The following VAPA variants were observed in gnomAD, a reference collection of about 807,000 sequenced individuals.
VAPA encodes vesicle-associated membrane protein-associated protein A.
VAPA carries 6 observed loss-of-function variants against 25.6 expected under a neutral mutation model. The observed-to-expected ratio is 0.23, with a 90% CI of 0.13 to 0.46. The LOEUF is 0.46. Ranked by LOEUF, VAPA falls within the 20% of genes least tolerant of loss-of-function variation. The pLI is 0.99. For synonymous variants in VAPA, 112 were observed against 106.2 expected, an observed-to-expected ratio of 1.05 and a Z score of -0.34; for missense variants, 244 against 302.1, an observed-to-expected ratio of 0.81 and a Z score of 1.43.
chr18:9,917,090 C>CT (rs1458867931), intron 1 of VAPA, among the ~76,000 whole-genome samples: 1 of 152,112 alleles, frequency 6.6e-6, no homozygotes, highest in Non-Finnish European at 1.5e-5. Flanking sequence ...GTAATGAATT[C>CT]TGAAGTAGAT....
intron 4 of VAPA, among the ~76,000 whole-genome samples, chr18:9,943,738 C>T (rs2069388961): frequency 6.8e-6 from 1 of 146,446 alleles, no homozygotes; most frequent in African/African-American, 2.5e-5. Context: ...GTGTTCACTT[C>T]TAAAAAATTT....
At chr18:9,941,393 C>A (rs866649076) in intron 4 of VAPA, among the ~76,000 whole-genome samples, 17 of 152,084 alleles carry the variant, frequency 1.1e-4, no homozygotes, top group Admixed American at 9.2e-4. Context: ...AATATGAAAT[C>A]TTAAGGTACC....
intron 1 of VAPA, 43 bp downstream of exon 1, chr18:9,914,378 G>T (rs754223983): frequency 1.3e-6 from 2 of 1,525,552 alleles, no homozygotes; most frequent in Non-Finnish European, 1.8e-6. Context: ...GGGGCGCGCG[G>T]ACCGCTGGCT....
intron 4 of VAPA, among the ~76,000 whole-genome samples, chr18:9,939,870 A>G (rs1397737880): frequency 6.6e-6 from 1 of 152,212 alleles, no homozygotes; most frequent in Non-Finnish European, 1.5e-5. Context: ...CTGGCTTAAA[A>G]TGTCAGTAAA....
At chr18:9,919,944 T>C (rs1027102645) in intron 1 of VAPA, among the ~76,000 whole-genome samples, 1 of 152,158 alleles carries the variant, frequency 6.6e-6, no homozygotes, top group Non-Finnish European at 1.5e-5. Context: ...GGTCATGGTA[T>C]TGGAGGTGAT....
In VAPA at chr18:9,917,306, A is replaced by T. The variant is rs924387076; in HGVS notation, c.79+2971A>T. On this transcript the variant is annotated intron_variant, in intron 1 of 5. Transcript: ENST00000400000. ...TTTTCTACCTATTAGCAGTTTTTTTAAATTTTTTTATTTTTTGAGACGGAG... is the reference window on the plus strand; with the variant it reads ...TTTTCTACCTATTAGCAGTTTTTTTTAATTTTTTTATTTTTTGAGACGGAG... Among the ~76,000 whole-genome samples, 55 of 152,066 alleles carry T rather than the reference A, an allele frequency of 3.6e-4. 1 individual carries two copies. The highest frequency in any genetic ancestry group is 1.0e-4 in the Non-Finnish European group (7 of 68,020).
In VAPA at chr18:9,958,399, G is replaced by A. The variant is rs1567906588; in HGVS notation, c.*4188G>A. 2 of 152,272 alleles carry A rather than the reference G, an allele frequency of 1.3e-5. No homozygotes were observed. The highest frequency in any genetic ancestry group is 3.9e-4 in the East Asian group (2 of 5,184). 9.4% of individuals were successfully genotyped at this position (152,272 alleles called of 1,614,324 possible). ...TTAAAACTCAGTTTCTTGTTTTCCA[G>A]TTGTTGCTATGTATAACACCCATCT... On this transcript the variant is annotated 3_prime_UTR_variant, in exon 6 of 6. Transcript: ENST00000400000.
chr18:9,954,449 C>T lies in VAPA; in HGVS notation c.*238C>T. The T allele has an allele frequency of 2.5e-6, 1 of 402,994 alleles. No homozygotes were observed. Among genetic ancestry groups the T allele is most frequent in the Non-Finnish European group, 4.4e-6 (1 of 229,712 alleles). The allele number at this position is 402,994 out of a possible 1,614,324, so 25.0% of individuals were successfully genotyped here. On this transcript the variant is annotated 3_prime_UTR_variant, in exon 6 of 6. Transcript: ENST00000400000. ...TCATCACTAGCAGATGTCAGTTGCA[C>T]ATTGAGTCCTTTATGAAATTCATAA... is the stretch of plus-strand genomic sequence containing the variant.
chr18:9,940,801 A>G (rs182815048), intron 4 of VAPA, among the ~76,000 whole-genome samples: 28 of 152,184 alleles, frequency 1.8e-4, no homozygotes, highest in Non-Finnish European at 3.5e-4. Flanking sequence ...TTTACATTTC[A>G]AGTTTTACAC....
At chr18:9,937,105 G>C (rs1457448788) in intron 4 of VAPA, 39 bp downstream of exon 4, 2 of 1,545,082 alleles carry the variant, frequency 1.3e-6, no homozygotes, top group Non-Finnish European at 1.8e-6. Flanking sequence ...GAGCTGTTGA[G>C]CTCTCAGTTC....
intron 1 of VAPA, among the ~76,000 whole-genome samples, chr18:9,920,297 CT>C (rs2069145594): frequency 6.6e-6 from 1 of 151,870 alleles, no homozygotes; most frequent in Non-Finnish European, 1.5e-5. Flanking sequence ...CTTTTCTTTT[CT>C]TTCTTTCTTT....
intron 4 of VAPA, among the ~76,000 whole-genome samples, chr18:9,944,361 A>G (rs986745071): frequency 6.6e-6 from 1 of 152,152 alleles, no homozygotes; most frequent in African/African-American, 2.4e-5. Context: ...TTTGTATAAT[A>G]CAGTATTTTA....
At chr18:9,953,800 AT>A (rs2069514158) in intron 5 of VAPA, among the ~76,000 whole-genome samples, 1 of 152,224 alleles carries the variant, frequency 6.6e-6, no homozygotes, top group South Asian at 2.1e-4. Flanking sequence ...TATAATTTAT[AT>A]CCCATGGAGA....
rs1041483971 is a variant in VAPA at position 9,954,795 on chromosome 18, A to C, written c.*584A>C. 3.9e-5 allele frequency: 6 copies of C among 152,646 alleles called. No individual in the cohort carries two copies. Among genetic ancestry groups the C allele is most frequent in the African/African-American group, 1.4e-4 (6 of 41,458 alleles). The allele number at this position is 152,646 out of a possible 1,614,324, so 9.5% of individuals were successfully genotyped here. A position where few individuals can be genotyped will look rare whatever the true frequency, so the allele number is the denominator to read the frequency against. ...GTCCCATGGTATTTAACATAAAAAA[A>C]AATAAAACTGTTAACAGATTCTTGC... On this transcript the variant is annotated 3_prime_UTR_variant, in exon 6 of 6. Transcript: ENST00000400000.
intron 4 of VAPA, among the ~76,000 whole-genome samples, chr18:9,938,221 TGA>T (rs2069330794): frequency 6.6e-6 from 1 of 152,242 alleles, no homozygotes; most frequent in Non-Finnish European, 1.5e-5. Flanking sequence ...ATTTTCTCAC[TGA>T]GAGTTTTATG....
chr18:9,939,440 C>T (rs1171143702), intron 4 of VAPA, among the ~76,000 whole-genome samples: 4 of 151,980 alleles, frequency 2.6e-5, no homozygotes, highest in Non-Finnish European at 5.9e-5. Context: ...CAGGTGTGAG[C>T]CACCCTGCCT....
intron 3 of VAPA, chr18:9,936,730 A>AAAAAAGAG: frequency 2.5e-6 from 1 of 406,358 alleles, no homozygotes; most frequent in Non-Finnish European, 4.4e-6. Flanking sequence ...GAAAAAAAGA[A>AAAAAAGAG]AGAAATGCTA....
At position 9,936,327 on chromosome 18, in the gene VAPA, A is replaced by T. The variant is rs1371707333; in HGVS notation, c.336+114A>T. 2.3e-5 allele frequency: 13 copies of T among 577,474 alleles called. No homozygotes were observed. In the East Asian group the frequency reaches 3.1e-4, roughly 14 times the overall value. The allele number at this position is 577,474 out of a possible 1,614,324, so 35.8% of individuals were successfully genotyped here. A position where few individuals can be genotyped will look rare whatever the true frequency, so the allele number is the denominator to read the frequency against. ...AACTAAAAGTTAAATTTAGGTTTTT[A>T]AAAAACTGCCAATTTCTTCATTATA... On this transcript the variant is annotated intron_variant, in intron 3 of 5. Transcript: ENST00000400000.
intron 1 of VAPA, among the ~76,000 whole-genome samples, chr18:9,925,466 A>G (rs2069192874): frequency 6.6e-6 from 1 of 152,100 alleles, no homozygotes; most frequent in Non-Finnish European, 1.5e-5. Context: ...TTAAAAATAG[A>G]ACTAAGACTC....
Sources: gnomAD v4.1 joint callset for allele counts (sites outside exome capture counted in the v4.1 genomes callset) on GRCh38, gnomAD v4.1.1 for gene constraint, MANE v1.5 for transcripts, NCBI Gene and HGNC (gene_info 2026-07-23, HGNC 2026-07-21) for gene names.